Variants in DSCAM observed in about 807,000 individuals in gnomAD.
DSCAM encodes the protein DS cell adhesion molecule.
In DSCAM, 47 loss-of-function variants were observed where a neutral mutation model predicts 217.7. That is an observed-to-expected ratio of 0.22 (90% CI 0.17 to 0.28). DSCAM has a LOEUF of 0.28. DSCAM is among the 10% of genes least tolerant of loss of function. The pLI, the probability that DSCAM is intolerant of heterozygous loss-of-function variation, is 1.00. For synonymous variants in DSCAM, 1,056 were observed against 1,015.3 expected (o/e 1.04, Z -0.76); for missense variants, 2,080 against 2,618.3 (o/e 0.79, Z 4.49).
intron 3 of DSCAM, among the ~76,000 whole-genome samples, chr21:40,485,020 A>G (rs1392013435): frequency 6.6e-6 from 1 of 152,050 alleles, no homozygotes; most frequent in East Asian, 1.9e-4. Context: ...AGCAGCTTTT[A>G]GAGACGCTTC....
intron 2 of DSCAM, among the ~76,000 whole-genome samples, chr21:40,695,731 T>C (rs1601856143): frequency 6.6e-6 from 1 of 152,220 alleles, no homozygotes. Context: ...ACTGAATATA[T>C]AGAAAGACAG....
chr21:40,039,819 G>A (rs1003973969), intron 32 of DSCAM, among the ~76,000 whole-genome samples: 6 of 151,740 alleles, frequency 4.0e-5, no homozygotes, highest in Middle Eastern at 3.2e-3. Context: ...ACTGAAGACA[G>A]AAAAAATAAA....
intron 3 of DSCAM, among the ~76,000 whole-genome samples, chr21:40,377,831 C>T (rs1291318142): frequency 1.3e-5 from 2 of 152,108 alleles, no homozygotes; most frequent in Non-Finnish European, 2.9e-5. Context: ...CTAAAGGATG[C>T]TGCAAAGGGC....
intron 1 of DSCAM, among the ~76,000 whole-genome samples, chr21:40,766,029 G>A (rs1237413684): frequency 6.6e-6 from 1 of 152,216 alleles, no homozygotes; most frequent in Non-Finnish European, 1.5e-5. Flanking sequence ...GGGAGCTCGT[G>A]ACAGCTGGCA....
At chr21:40,292,185 C>CTTTTTT (rs11431306) in intron 10 of DSCAM, among the ~76,000 whole-genome samples, 19 of 110,246 alleles carry the variant, frequency 1.7e-4, no homozygotes, top group Non-Finnish European at 2.7e-4. Context: ...AATGTAATGA[C>CTTTTTT]TTTTTTTTTT....
chr21:40,141,083 A>G (rs11911935), intron 18 of DSCAM, among the ~76,000 whole-genome samples: 73,312 of 152,110 alleles, frequency 0.48, 18,659 homozygotes, highest in South Asian at 0.58. Context: ...TCAAAGGCCT[A>G]TGCTCGCTGA....
At chr21:40,560,154 A>G (rs1442711503) in intron 3 of DSCAM, among the ~76,000 whole-genome samples, 1 of 152,096 alleles carries the variant, frequency 6.6e-6, no homozygotes, top group African/African-American at 2.4e-5. Context: ...TGCTCTTTCT[A>G]CACTAAAATG....
intron 32 of DSCAM, among the ~76,000 whole-genome samples, chr21:40,027,016 G>A (rs1336828688): frequency 4.7e-4 from 71 of 152,396 alleles, no homozygotes; most frequent in Admixed American, 3.3e-3. Flanking sequence ...GGCTGGTACC[G>A]GTTGTTCCTT....
intron 8 of DSCAM, among the ~76,000 whole-genome samples, chr21:40,319,741 T>G (rs925832706): frequency 6.6e-6 from 1 of 152,200 alleles, no homozygotes; most frequent in Non-Finnish European, 1.5e-5. Context: ...ACACTTGTTA[T>G]CTTTTGACTT....
intron 1 of DSCAM, among the ~76,000 whole-genome samples, chr21:40,841,556 T>C (rs1263780753): frequency 6.6e-6 from 1 of 152,120 alleles, no homozygotes; most frequent in Non-Finnish European, 1.5e-5. Context: ...TGTTTTCCAG[T>C]GGGCCTGGGG....
intron 30 of DSCAM, among the ~76,000 whole-genome samples, chr21:40,050,288 C>T (rs551523896): frequency 2.0e-5 from 3 of 152,186 alleles, no homozygotes; most frequent in South Asian, 2.1e-4. Context: ...CTTCTGCCAC[C>T]GTTTCCAACA....
At chr21:40,418,338 G>T (rs2075391627) in intron 3 of DSCAM, among the ~76,000 whole-genome samples, 1 of 152,162 alleles carries the variant, frequency 6.6e-6, no homozygotes, top group South Asian at 2.1e-4. Context: ...AATCTTCTAA[G>T]AGTTTAAGTT....
At chr21:40,410,621 A>G (rs2075314320) in intron 3 of DSCAM, among the ~76,000 whole-genome samples, 1 of 152,084 alleles carries the variant, frequency 6.6e-6, no homozygotes, top group Non-Finnish European at 1.5e-5. Flanking sequence ...AGAAAAAAAT[A>G]TCTAAAGGGG....
intron 4 of DSCAM, among the ~76,000 whole-genome samples, chr21:40,364,079 G>A (rs1243602323): frequency 6.6e-6 from 1 of 152,176 alleles, no homozygotes; most frequent in Non-Finnish European, 1.5e-5. Context: ...CACTGTTGGT[G>A]GGACTGTAAA....
chr21:40,558,745 T>C (rs1443758076), intron 3 of DSCAM, among the ~76,000 whole-genome samples: 1 of 152,208 alleles, frequency 6.6e-6, no homozygotes, highest in African/African-American at 2.4e-5. Context: ...TGTAAATCCT[T>C]CAATGTTATT....
At chr21:40,102,925 A>G (rs184623906) in intron 20 of DSCAM, among the ~76,000 whole-genome samples, 5 of 152,076 alleles carry the variant, frequency 3.3e-5, no homozygotes, top group Non-Finnish European at 7.4e-5. Flanking sequence ...AGGCTCCCCG[A>G]CCCATCCCTC....
chr21:40,809,936 C>A (rs1405678061), intron 1 of DSCAM, among the ~76,000 whole-genome samples: 3 of 152,222 alleles, frequency 2.0e-5, no homozygotes, highest in South Asian at 2.1e-4. Context: ...AGTCATCAGT[C>A]TTCAGGAGAA....
chr21:40,392,417 T>A (rs1277909909), intron 3 of DSCAM, among the ~76,000 whole-genome samples: 1 of 152,210 alleles, frequency 6.6e-6, no homozygotes, highest in Non-Finnish European at 1.5e-5. Context: ...ATGTATTTTT[T>A]AAATAGTTAT....
chr21:40,565,836 G>A (rs1455829505), intron 3 of DSCAM, among the ~76,000 whole-genome samples: 3 of 152,154 alleles, frequency 2.0e-5, no homozygotes, highest in Non-Finnish European at 4.4e-5. Context: ...AAACTTCAGA[G>A]TCCCAGTTTA....
Sources: gnomAD v4.1 joint callset for allele counts (sites outside exome capture counted in the v4.1 genomes callset) on GRCh38, gnomAD v4.1.1 for gene constraint, MANE v1.5 for transcripts, NCBI Gene and HGNC (gene_info 2026-07-23, HGNC 2026-07-21) for gene names.